The following TRPA1 variants were observed in gnomAD, a reference collection of about 807,000 sequenced individuals.
TRPA1 encodes ankyrin-like with transmembrane domains 1.
In TRPA1, 129 loss-of-function variants were observed where a neutral mutation model predicts 131.3. The ratio of observed to expected loss-of-function variants is 0.98; its 90% CI spans 0.85 to 1.14. The LOEUF (loss-of-function observed/expected upper bound fraction) is 1.14, where lower values mean the gene tolerates loss of function less well. Ranked by LOEUF, TRPA1 falls within the 50% of genes most tolerant of loss-of-function variation. The pLI, the probability that TRPA1 is intolerant of heterozygous loss-of-function variation, is 0.00. For synonymous variants in TRPA1, 441 were observed against 451.7 expected (o/e 0.98, Z 0.30); for missense variants, 1,304 against 1,354.2 (o/e 0.96, Z 0.58).
At chr8:72,061,488 G>C in intron 7 of TRPA1, 137 bp downstream of exon 7, 2 of 957,368 alleles carry the variant, frequency 2.1e-6, no homozygotes, top group Non-Finnish European at 1.6e-6. Context: ...TTGATCCACA[G>C]GGTCTTTGTT....
At chr8:72,028,841 A>G (rs573256638) in intron 24 of TRPA1, among the ~76,000 whole-genome samples, 1 of 152,354 alleles carries the variant, frequency 6.6e-6, no homozygotes, top group South Asian at 2.1e-4. Context: ...CTGAATGAAT[A>G]ACAGAGAAGA....
chr8:72,038,116 AAC>A, intron 19 of TRPA1, 44 bp from the exon 20 acceptor site: 1 of 975,176 alleles, frequency 1.0e-6, no homozygotes, highest in Middle Eastern at 2.1e-4. Flanking sequence ...AGAGATATAA[AAC>A]ACTTTAACAT....
At chr8:72,039,888 G>T in intron 17 of TRPA1, 91 bp from the exon 18 acceptor site, 2 of 877,446 alleles carry the variant, frequency 2.3e-6, no homozygotes, top group Admixed American at 1.8e-5. Context: ...TTATAACTGT[G>T]TTTGGTATTG....
In TRPA1 at chr8:72,036,380, G is replaced by A. The variant is rs1013768330; in HGVS notation, c.2463C>T (p.Pro821=). 6.2e-7 allele frequency: 1 copy of A among 1,614,082 alleles called. No individual in the cohort carries two copies. The highest frequency in any genetic ancestry group is 8.5e-7 in the Non-Finnish European group (1 of 1,180,006). The change falls in exon 21 of 27, where the codon CCC becomes CCT. Residue 821 remains proline, a synonymous_variant. Coordinates refer to ENST00000262209, the MANE Select transcript of TRPA1 (RefSeq NM_007332.3). ...GATGAGCTGGTATTTCAACAAACAA[G>A]GGCAGCACAAAAATGATGCCCGTCG... ...IYTTGIIFVL[P]LFVEIPAHLQ...
rs1394814948 is a variant in TRPA1, at chr8:72,055,601, C to T, written c.1365-1G>A. ...CTGACAGGTATTGATACGCCCATAA[C>T]TTGGAAAAAATTAGGTTTCATATTT... On this transcript the variant is annotated splice_acceptor_variant, in intron 11 of 26. Coordinates refer to ENST00000262209, the MANE Select transcript of TRPA1 (RefSeq NM_007332.3). LOFTEE classifies it high-confidence loss of function. The T allele has an allele frequency of 1.9e-6, 3 of 1,613,310 alleles. No individual in the cohort carries two copies. The highest frequency in any genetic ancestry group is 1.3e-5 in the African/African-American group (1 of 74,968).
intron 14 of TRPA1, 104 bp from the exon 15 acceptor site, chr8:72,050,975 C>G: frequency 1.2e-6 from 1 of 846,034 alleles, no homozygotes; most frequent in Non-Finnish European, 1.9e-6. Context: ...TAAACTTAAG[C>G]ATATTCATGA....
intron 2 of TRPA1, among the ~76,000 whole-genome samples, chr8:72,070,688 A>G (rs1046942862): frequency 2.0e-5 from 3 of 152,064 alleles, no homozygotes; most frequent in Non-Finnish European, 2.9e-5. Context: ...TTCCTCTGCC[A>G]TCTGTCTCTT....
chr8:72,053,026 AGAG>A, intron 13 of TRPA1: 1 of 388,226 alleles, frequency 2.6e-6, no homozygotes, highest in East Asian at 5.7e-5. Context: ...AGAGAGAGAG[AGAG>A]AGAGAGAGAG....
At chr8:72,059,045 C>G (rs948466337) in intron 8 of TRPA1, among the ~76,000 whole-genome samples, 2 of 152,168 alleles carry the variant, frequency 1.3e-5, no homozygotes, top group African/African-American at 4.8e-5. Flanking sequence ...TTAAAGCCAC[C>G]AGGGCTGAAG....
chr8:72,054,820 T>C (rs1250983891), intron 12 of TRPA1: 1 of 152,544 alleles, frequency 6.6e-6, no homozygotes, highest in Non-Finnish European at 1.5e-5. Flanking sequence ...GAAAAACCTC[T>C]GTAAAACATT....
chr8:72,057,111 A>C (rs1805687751), intron 9 of TRPA1, 94 bp from the exon 10 acceptor site: 1 of 954,812 alleles, frequency 1.0e-6, no homozygotes, highest in Non-Finnish European at 1.6e-6. Flanking sequence ...AATTTGACTA[A>C]AAATATTGTC....
At chr8:72,086,699 G>A in the TRPA1 span, among the ~76,000 whole-genome samples, 1 of 151,460 alleles carries the variant, frequency 6.6e-6, no homozygotes, top group African/African-American at 2.4e-5. Flanking sequence ...TTCCTTCTTG[G>A]TATTCTGAAA....
At chr8:72,045,298 G>A (rs1812390777) in intron 17 of TRPA1, among the ~76,000 whole-genome samples, 1 of 151,734 alleles carries the variant, frequency 6.6e-6, no homozygotes, top group Admixed American at 6.6e-5. Flanking sequence ...TGCTACCATG[G>A]TCTGTACCAA....
At chr8:72,023,694 A>C in intron 26 of TRPA1, 120 bp downstream of exon 26, 1 of 668,822 alleles carries the variant, frequency 1.5e-6, no homozygotes, top group Non-Finnish European at 2.6e-6. Context: ...AGCTACAGCT[A>C]TCAATAAAGC....
intron 26 of TRPA1, 155 bp downstream of exon 26, chr8:72,023,659 A>T (rs992240875): frequency 1.8e-6 from 1 of 570,850 alleles, no homozygotes. Context: ...GGTTCTAAAA[A>T]ATGTCTCATG....
upstream of TRPA1, among the ~76,000 whole-genome samples, chr8:72,075,945 G>C (rs184271619): frequency 1.3e-4 from 20 of 150,094 alleles, 1 homozygote; most frequent in East Asian, 3.1e-3. Flanking sequence ...AGAGGAAGAG[G>C]GAATGACTGG....
intron 16 of TRPA1, among the ~76,000 whole-genome samples, 154 bp downstream of exon 16, chr8:72,046,994 A>G (rs1805345830): frequency 6.6e-6 from 1 of 152,110 alleles, no homozygotes. Flanking sequence ...AATGTAAGGG[A>G]AAAATTCTCT....
intron 1 of TRPA1, 115 bp downstream of exon 1, chr8:72,075,184 C>T: frequency 1.2e-6 from 1 of 819,208 alleles, no homozygotes; most frequent in East Asian, 2.4e-5. Flanking sequence ...TGCACACACC[C>T]CAAAGCTTGC....
At chr8:72,081,434 G>A in the TRPA1 span, among the ~76,000 whole-genome samples, 1 of 151,680 alleles carries the variant, frequency 6.6e-6, no homozygotes, top group South Asian at 2.1e-4. Context: ...GGTCTATCTA[G>A]TAGACTGTTC....
Sources: allele counts gnomAD v4.1 joint callset (sites outside exome capture counted in the v4.1 genomes callset), GRCh38; gene constraint gnomAD v4.1.1; transcripts MANE v1.5; gene names NCBI Gene and HGNC (gene_info 2026-07-23, HGNC 2026-07-21).